Variants in SNCAIP observed in about 807,000 individuals in gnomAD.
SNCAIP encodes synuclein alpha interacting protein, also known as synphilin-1.
A neutral mutation model predicts 86.7 loss-of-function variants in SNCAIP; 43 were observed. The observed-to-expected ratio is 0.50, with a 90% CI of 0.39 to 0.64. SNCAIP has a LOEUF of 0.64. Ranked by LOEUF, SNCAIP falls within the 30% of genes least tolerant of loss-of-function variation. The probability of loss-of-function intolerance (pLI) is 0.00; values close to 1 mark genes in which losing one functional copy is unlikely to be tolerated. For missense variants in SNCAIP, 981 were observed against 1,103.1 expected (o/e 0.89, Z 1.57); for synonymous variants, 417 against 427.2 (o/e 0.98, Z 0.29).
intron 1 of SNCAIP, among the ~76,000 whole-genome samples, chr5:122,375,507 A>G (rs929809092): frequency 4.1e-5 from 6 of 145,842 alleles, no homozygotes; most frequent in Non-Finnish European, 7.5e-5. Context: ...CTGTGTTAAT[A>G]GACCTGGGAT....
At chr5:122,328,979 C>T (rs889285501) in intron 1 of SNCAIP, among the ~76,000 whole-genome samples, 2 of 152,116 alleles carry the variant, frequency 1.3e-5, no homozygotes, top group Admixed American at 1.3e-4. Context: ...TAACCTCTGC[C>T]GTTACTCAAG....
intron 8 of SNCAIP, among the ~76,000 whole-genome samples, chr5:122,448,976 A>G (rs1380724320): frequency 6.6e-6 from 1 of 151,138 alleles, no homozygotes; most frequent in Admixed American, 6.6e-5. Flanking sequence ...AGATAGCACC[A>G]CTGCAGTCCG....
intron 2 of SNCAIP, among the ~76,000 whole-genome samples, chr5:122,396,233 C>T (rs1250466235): frequency 6.6e-6 from 1 of 152,072 alleles, no homozygotes; most frequent in African/African-American, 2.4e-5. Flanking sequence ...TTTCTTAATA[C>T]CTGCCAGGAA....
At chr5:122,459,729 C>T (rs1052011142) in intron 10 of SNCAIP, among the ~76,000 whole-genome samples, 1 of 152,144 alleles carries the variant, frequency 6.6e-6, no homozygotes, top group Admixed American at 6.5e-5. Context: ...ACTTTATTAT[C>T]TTTAGACTAT....
intron 6 of SNCAIP, among the ~76,000 whole-genome samples, chr5:122,432,612 A>G (rs1176729564): frequency 6.6e-6 from 1 of 152,178 alleles, no homozygotes; most frequent in Non-Finnish European, 1.5e-5. Flanking sequence ...TTAAAAGGAA[A>G]ATCTTTATAA....
chr5:122,318,051 G>C (rs552280281), intron 1 of SNCAIP, among the ~76,000 whole-genome samples: 5 of 151,988 alleles, frequency 3.3e-5, no homozygotes, highest in Non-Finnish European at 5.9e-5. Flanking sequence ...CCTTGTCATA[G>C]TCCTGGAGAA....
chr5:122,398,240 C>G (rs973303190), intron 2 of SNCAIP, among the ~76,000 whole-genome samples: 10 of 151,998 alleles, frequency 6.6e-5, no homozygotes, highest in African/African-American at 2.4e-4. Flanking sequence ...TGAGAGTGGG[C>G]TGAGGATAAG....
Position 122,444,858 on chromosome 5 carries a change from T to G in SNCAIP, c.1592+126T>G. 3 of 841,034 alleles carry G rather than the reference T, an allele frequency of 3.6e-6. No individual in the cohort carries two copies. The East Asian group carries it at 7.7e-5, about 22-fold the overall frequency. The allele number at this position is 841,034 out of a possible 1,614,324, so 52.1% of individuals were successfully genotyped here. On this transcript the variant is annotated intron_variant, in intron 8 of 10. Coordinates refer to ENST00000261368, the MANE Select transcript of SNCAIP (RefSeq NM_005460.4). ...ACAGGGAATTCCTAGCATTCTCCTCTTCTGTTCTTCCATCCAAAGTCCTCA... is the reference window on the plus strand; with the variant it reads ...ACAGGGAATTCCTAGCATTCTCCTCGTCTGTTCTTCCATCCAAAGTCCTCA...
intron 1 of SNCAIP, among the ~76,000 whole-genome samples, chr5:122,333,576 G>A (rs1022596789): frequency 3.3e-5 from 5 of 152,160 alleles, no homozygotes; most frequent in Non-Finnish European, 5.9e-5. Context: ...CTTTGTTGGC[G>A]GAGACCGTAT....
Position 122,451,196 on chromosome 5 carries a change from T to TGACA in SNCAIP, c.2351_2354dup (p.Ser785ArgfsTer24). 6.2e-7 allele frequency: 1 copy of TGACA among 1,614,118 alleles called. No homozygotes were observed. Among genetic ancestry groups the TGACA allele is most frequent in the Non-Finnish European group, 8.5e-7 (1 of 1,180,012 alleles). ...CTGGTGACCCTCAGCAGCCCAGCCCTGACAGTACTGCTGCCCAGAAAGTTG... is the reference window on the plus strand; with the variant it reads ...CTGGTGACCCTCAGCAGCCCAGCCCTGACAGACAGTACTGCTGCCCAGAAAGTTG... On this transcript the variant is annotated frameshift_variant, in exon 10 of 11. Coordinates refer to ENST00000261368, the MANE Select transcript of SNCAIP (RefSeq NM_005460.4). LOFTEE classifies it high-confidence loss of function.
chr5:122,366,034 C>G (rs921586680), intron 1 of SNCAIP, among the ~76,000 whole-genome samples: 1 of 152,172 alleles, frequency 6.6e-6, no homozygotes, highest in African/African-American at 2.4e-5. Flanking sequence ...AAAGGGCAAG[C>G]AAGTGAATTA....
At chr5:122,326,852 C>T (rs888339063) in intron 1 of SNCAIP, among the ~76,000 whole-genome samples, 1 of 151,606 alleles carries the variant, frequency 6.6e-6, no homozygotes, top group Non-Finnish European at 1.5e-5. Context: ...TATTTAAGGC[C>T]AGCTCCAGGT....
At chr5:122,438,941 C>T (rs1178273632) in intron 6 of SNCAIP, among the ~76,000 whole-genome samples, 2 of 152,192 alleles carry the variant, frequency 1.3e-5, no homozygotes, top group East Asian at 3.9e-4. Context: ...ATAATCTATC[C>T]TCTTGCAGCC....
At chr5:122,325,410 G>C (rs1240816042) in intron 1 of SNCAIP, among the ~76,000 whole-genome samples, 1 of 152,140 alleles carries the variant, frequency 6.6e-6, no homozygotes, top group Non-Finnish European at 1.5e-5. Context: ...ACAGGCAGCT[G>C]TCTCCCTATG....
chr5:122,440,924 G>C, intron 7 of SNCAIP, 170 bp downstream of exon 7: 1 of 676,966 alleles, frequency 1.5e-6, no homozygotes, highest in Admixed American at 2.4e-5. Flanking sequence ...CACAAATGTA[G>C]GTAGGCATAA....
At chr5:122,333,963 G>A (rs537548521) in intron 1 of SNCAIP, among the ~76,000 whole-genome samples, 6 of 152,166 alleles carry the variant, frequency 3.9e-5, no homozygotes, top group African/African-American at 1.4e-4. Flanking sequence ...TGGTAAAGAT[G>A]GGGGAGATGG....
intron 7 of SNCAIP, 27 bp downstream of exon 7, chr5:122,440,781 G>T: frequency 1.2e-6 from 2 of 1,607,302 alleles, no homozygotes; most frequent in South Asian, 2.2e-5. Flanking sequence ...GTTTTGCAAT[G>T]AGAAATGAGT....
At chr5:122,453,003 G>C (rs1275656766) in intron 10 of SNCAIP, 2 of 1,530,750 alleles carry the variant, frequency 1.3e-6, no homozygotes, top group South Asian at 1.2e-5. Flanking sequence ...ACGGTACGTG[G>C]TGCTAGGAGA....
At position 122,422,924 on chromosome 5, in the gene SNCAIP, C is replaced by G. The variant is rs760694224; in HGVS notation, c.187C>G (p.Pro63Ala). The G allele has an allele frequency of 6.2e-7, 1 of 1,613,900 alleles. No individual in the cohort carries two copies. Among genetic ancestry groups the G allele is most frequent in the African/African-American group, 1.3e-5 (1 of 74,926 alleles). ...ISTLITNTQK[P>A]TGIADVYSKF... is the part of the protein sequence containing the mutation. ...AACTCTTATTACAAACACGCAAAAG[C>G]CCACAGGAATCGCTGATGTGTACAG... is the stretch of plus-strand genomic sequence containing the variant. The change falls in exon 4 of 11, where the codon CCC (proline) becomes GCC (alanine). Residue 63 changes from proline to alanine, a missense_variant. By Grantham distance (27) the Pro-to-Ala change is conservative. Coordinates refer to ENST00000261368, the MANE Select transcript of SNCAIP (RefSeq NM_005460.4).
Sources: gnomAD v4.1 joint callset for allele counts (sites outside exome capture counted in the v4.1 genomes callset) on GRCh38, gnomAD v4.1.1 for gene constraint, MANE v1.5 for transcripts, NCBI Gene and HGNC (gene_info 2026-07-23, HGNC 2026-07-21) for gene names.